Variants in KIF6 observed in about 807,000 individuals in gnomAD.
The protein encoded by KIF6 is kinesin-like protein KIF6.
KIF6 carries 106 observed loss-of-function variants against 112.7 expected under a neutral mutation model. That is an observed-to-expected ratio of 0.94 (90% CI 0.80 to 1.11). The LOEUF (loss-of-function observed/expected upper bound fraction) is 1.11, where lower values mean the gene tolerates loss of function less well. Ranked by LOEUF, KIF6 falls within the 50% of genes least tolerant of loss-of-function variation. KIF6 has a pLI of 0.00. For missense variants in KIF6, 929 were observed against 964.0 expected (o/e 0.96, Z 0.48); for synonymous variants, 339 against 339.9 (o/e 1.00, Z 0.03).
At chr6:39,383,008 T>C (rs906404296) in intron 16 of KIF6, among the ~76,000 whole-genome samples, 3 of 135,050 alleles carry the variant, frequency 2.2e-5, no homozygotes, top group African/African-American at 6.5e-5. Flanking sequence ...CACTTTTTAA[T>C]AGGGTTCTTT....
At chr6:39,641,122 A>C (rs1784875303) in intron 3 of KIF6, among the ~76,000 whole-genome samples, 1 of 152,192 alleles carries the variant, frequency 6.6e-6, no homozygotes, top group South Asian at 2.1e-4. Context: ...GTTACCAATG[A>C]AACATTGATG....
At chr6:39,388,282 G>T (rs1767586755) in intron 15 of KIF6, among the ~76,000 whole-genome samples, 1 of 133,016 alleles carries the variant, frequency 7.5e-6, no homozygotes, top group Non-Finnish European at 1.5e-5. Context: ...CCCTAAGGAA[G>T]TATTTTTTTT....
At chr6:39,567,880 T>C (rs1434812032) in intron 10 of KIF6, among the ~76,000 whole-genome samples, 1 of 152,182 alleles carries the variant, frequency 6.6e-6, no homozygotes. Context: ...GTGCTGGGAT[T>C]ACAGGTGTGA....
chr6:39,367,175 G>A (rs1487607514), intron 16 of KIF6, among the ~76,000 whole-genome samples: 1 of 152,212 alleles, frequency 6.6e-6, no homozygotes, highest in Non-Finnish European at 1.5e-5. Context: ...GATATGTTCT[G>A]AGGCTTGGCT....
intron 4 of KIF6, among the ~76,000 whole-genome samples, chr6:39,639,380 G>A (rs1326408158): frequency 1.3e-5 from 2 of 152,054 alleles, no homozygotes; most frequent in African/African-American, 4.8e-5. Context: ...AGAAGGAAAT[G>A]TCCTTGAGCC....
chr6:39,708,922 G>A (rs1010567777), intron 3 of KIF6, among the ~76,000 whole-genome samples: 57 of 150,824 alleles, frequency 3.8e-4, no homozygotes, highest in South Asian at 2.1e-4. Context: ...AAAACAAGAC[G>A]CTCTTTTGTA....
intron 13 of KIF6, among the ~76,000 whole-genome samples, chr6:39,479,289 A>G (rs145887399): frequency 0.028 from 4,271 of 152,258 alleles, 203 homozygotes; most frequent in African/African-American, 0.097. Flanking sequence ...AAGATGAGAG[A>G]TGAGGATCCA....
At chr6:39,569,684 A>G (rs1478074064) in intron 10 of KIF6, among the ~76,000 whole-genome samples, 2 of 152,170 alleles carry the variant, frequency 1.3e-5, no homozygotes, top group Non-Finnish European at 2.9e-5. Context: ...CTTCCTATAT[A>G]AAATCTTTCC....
At chr6:39,666,266 TC>T (rs2150821571) in intron 3 of KIF6, among the ~76,000 whole-genome samples, 1 of 152,334 alleles carries the variant, frequency 6.6e-6, no homozygotes, top group South Asian at 2.1e-4. Flanking sequence ...TCAGTTGAAA[TC>T]TATTTTCTTC....
At chr6:39,614,886 A>T (rs1783417280) in intron 5 of KIF6, among the ~76,000 whole-genome samples, 1 of 152,214 alleles carries the variant, frequency 6.6e-6, no homozygotes, top group South Asian at 2.1e-4. Flanking sequence ...GGTTTGGCTA[A>T]ATTAAATCCC....
chr6:39,553,544 A>G (rs1417119219), intron 10 of KIF6, among the ~76,000 whole-genome samples: 1 of 152,222 alleles, frequency 6.6e-6, no homozygotes, highest in Non-Finnish European at 1.5e-5. Context: ...CAGAATTTCA[A>G]AAACTATTTT....
chr6:39,667,322 G>A (rs1242284325), intron 3 of KIF6, among the ~76,000 whole-genome samples: 1 of 152,090 alleles, frequency 6.6e-6, no homozygotes, highest in East Asian at 1.9e-4. Context: ...GGAATCCAAG[G>A]GCCAATGAGC....
At chr6:39,722,488 C>T (rs1434313192) in intron 1 of KIF6, among the ~76,000 whole-genome samples, 3 of 152,198 alleles carry the variant, frequency 2.0e-5, no homozygotes, top group East Asian at 1.9e-4. Flanking sequence ...GTATAAAGCA[C>T]TGTACAAATG....
chr6:39,550,194 TA>T (rs1394454881), intron 10 of KIF6, among the ~76,000 whole-genome samples: 1 of 152,250 alleles, frequency 6.6e-6, no homozygotes, highest in Non-Finnish European at 1.5e-5. Context: ...TATTCTCAAA[TA>T]ATCTTTGTAA....
intron 15 of KIF6, among the ~76,000 whole-genome samples, chr6:39,419,332 C>A (rs1770170524): frequency 9.2e-6 from 1 of 108,346 alleles, no homozygotes. Context: ...CCAGCCTGGG[C>A]AACAGAGTGA....
chr6:39,521,565 G>T (rs1292255132), intron 13 of KIF6, among the ~76,000 whole-genome samples: 1 of 152,050 alleles, frequency 6.6e-6, no homozygotes, highest in Non-Finnish European at 1.5e-5. Context: ...AGTATGTGAG[G>T]ACCATACCAA....
chr6:39,449,624 T>C (rs1311752951), intron 13 of KIF6, among the ~76,000 whole-genome samples: 2 of 152,208 alleles, frequency 1.3e-5, no homozygotes, highest in African/African-American at 4.8e-5. Flanking sequence ...CATGTATGTA[T>C]GTATTGTATG....
In KIF6 at chr6:39,613,889, C is replaced by T. The variant is rs144273086; in HGVS notation, c.510-571G>A. Among the ~76,000 whole-genome samples the T allele has an allele frequency of 1.1e-3, 164 of 152,242 alleles. 2 individuals are homozygous for T. Among genetic ancestry groups the T allele is most frequent in the African/African-American group, 3.8e-3 (156 of 41,556 alleles). ...GTCTTATAATAAAGATTTAGCTTGC[C>T]ATTATTATTTTAATGCCTCTCAAAT... On this transcript the variant is annotated intron_variant, in intron 5 of 22. Transcript: ENST00000287152.
At chr6:39,493,846 GTA>G (rs1775619668) in intron 13 of KIF6, among the ~76,000 whole-genome samples, 5 of 152,226 alleles carry the variant, frequency 3.3e-5, no homozygotes, top group African/African-American at 7.2e-5. Context: ...CTGGCTTGCA[GTA>G]AGATGGAGTT....
Sources: allele counts gnomAD v4.1 joint callset (sites outside exome capture counted in the v4.1 genomes callset), GRCh38; gene constraint gnomAD v4.1.1; transcripts MANE v1.5; gene names NCBI Gene and HGNC (gene_info 2026-07-23, HGNC 2026-07-21).